PNMA6E: variants seen among roughly 807,000 people sequenced by gnomAD.
The protein encoded by PNMA6E is PNMA family member 6E, also known as paraneoplastic antigen Ma6E.
For missense variants in PNMA6E, 78 were observed against 50.8 expected (o/e 1.53, Z -1.63); for synonymous variants, 43 against 17.1 (o/e 2.52, Z -3.74).
Position 153,398,581 on chromosome X carries a change from T to A in PNMA6E, c.269A>T (p.Lys90Ile). Reference sequence around the variant, plus strand: ...AGGTACTTGGGGCAGGAAGATCACTTTCCAGGGCCCCCCATTGCCTGGTAT... The same window carrying A: ...AGGTACTTGGGGCAGGAAGATCACTATCCAGGGCCCCCCATTGCCTGGTAT... Reference protein sequence around the residue: ...HQIPGNGGPWKVIFLPQVPVI... With the variant: ...HQIPGNGGPWIVIFLPQVPVI... The change falls in exon 2 of 2, where the codon AAA becomes ATA. Residue 90 changes from lysine (K) to isoleucine (I), a missense_variant. Physicochemically the swap from Lys to Ile is moderately radical, Grantham distance 102. Coordinates refer to ENST00000445091, the MANE Select transcript of PNMA6E (RefSeq NM_001367770.1). The A allele has an allele frequency of 2.9e-6, 1 of 344,415 alleles. No individual in the cohort carries two copies. Among genetic ancestry groups the A allele is most frequent in the Non-Finnish European group, 5.0e-6 (1 of 198,766 alleles). The allele number at this position is 344,415 out of a possible 1,213,427, so 28.4% of individuals were successfully genotyped here.
At chrX:153,408,927 T>C in the PNMA6E span, among the ~76,000 whole-genome samples, 14 of 112,534 alleles carry the variant, frequency 1.2e-4, 1 homozygote, top group Middle Eastern at 0.014. Context: ...CAGCCCCCTT[T>C]GGCCTGGCCT....
At position 153,398,360 on chromosome X, in the gene PNMA6E, C is replaced by A. The variant is rs1267681513; in HGVS notation, c.490G>T (p.Gly164Cys). 2.4e-6 allele frequency: 1 copy of A among 413,016 alleles called. No individual in the cohort carries two copies. The highest frequency in any genetic ancestry group is 4.1e-6 in the Non-Finnish European group (1 of 242,607). 34.0% of individuals were successfully genotyped at this position (413,016 alleles called of 1,213,427 possible). A position where few individuals can be genotyped will look rare whatever the true frequency, so the allele number is the denominator to read the frequency against. The change falls in exon 2 of 2, where the codon GGT (glycine) becomes TGT (cysteine). Residue 164 changes from glycine (G) to cysteine (C), a missense_variant. Coordinates refer to ENST00000445091, the MANE Select transcript of PNMA6E (RefSeq NM_001367770.1). ...AGAAGEAGGA[G>C]EAGGVGEAGA... ...GCCTCACCTACACCTCCTGCCTCAC[C>A]TGCGCCTCCTGCCTCACCTGCTGCT...
chrX:153,399,731 C>T (rs180704342), intron 1 of PNMA6E, among the ~76,000 whole-genome samples: 1 of 111,691 alleles, frequency 9.0e-6, no homozygotes, highest in African/African-American at 3.3e-5. Context: ...ACTGATTGTC[C>T]TTTTTATCTC....
chrX:153,405,590 C>G (rs782296480), upstream of PNMA6E, among the ~76,000 whole-genome samples: 86 of 102,162 alleles, frequency 8.4e-4, no homozygotes, highest in Non-Finnish European at 1.4e-3. Flanking sequence ...TCCCCACACA[C>G]ACATAGATCC....
the PNMA6E span, among the ~76,000 whole-genome samples, chrX:153,409,669 C>A: frequency 8.9e-6 from 1 of 112,682 alleles, no homozygotes; most frequent in Admixed American, 9.3e-5. Context: ...ATGGTGCACA[C>A]GGTGACCCCT....
the PNMA6E span, among the ~76,000 whole-genome samples, chrX:153,410,077 G>C: frequency 9.0e-6 from 1 of 111,394 alleles, no homozygotes; most frequent in African/African-American, 3.3e-5. Flanking sequence ...GTCCAGAATC[G>C]GGCGCTTCCT....
At chrX:153,408,112 G>C in the PNMA6E span, among the ~76,000 whole-genome samples, 1 of 112,772 alleles carries the variant, frequency 8.9e-6, no homozygotes, top group Non-Finnish European at 1.9e-5. Flanking sequence ...ATCAGACTGG[G>C]AGAGTCAGTG....
chrX:153,407,208 C>G, the PNMA6E span, among the ~76,000 whole-genome samples: 58 of 112,644 alleles, frequency 5.1e-4, no homozygotes, highest in African/African-American at 1.8e-3. Context: ...GATGGCTAAG[C>G]CTTCTCCTCT....
upstream of PNMA6E, among the ~76,000 whole-genome samples, chrX:153,402,450 C>A (rs891941778): frequency 3.6e-5 from 4 of 111,242 alleles, no homozygotes; most frequent in East Asian, 1.1e-3. Context: ...AATTTAAGAC[C>A]ATTTTCATTA....
Position 153,397,334 on chromosome X carries a change from C to T in PNMA6E, c.1516G>A (p.Ala506Thr). ...AFPARSQQGV[A>T]WAAAPVESED... ...CTCTCCACTGGGGCCGCTGCCCAGGCCACACCCTGCTGGCTCCTCGCTGGG... is the reference window on the plus strand; with the variant it reads ...CTCTCCACTGGGGCCGCTGCCCAGGTCACACCCTGCTGGCTCCTCGCTGGG... Residue 506 changes from alanine (A) to threonine (T), a missense_variant, in exon 2 of 2, where the codon GCC becomes ACC. Transcript: ENST00000445091. 3.4e-6 allele frequency: 1 copy of T among 298,063 alleles called. No individual in the cohort carries two copies. Among genetic ancestry groups the T allele is most frequent in the Admixed American group, 6.0e-5 (1 of 16,602 alleles). The allele number at this position is 298,063 out of a possible 1,213,427, so 24.6% of individuals were successfully genotyped here. A position where few individuals can be genotyped will look rare whatever the true frequency, so the allele number is the denominator to read the frequency against.
In PNMA6E at chrX:153,398,337, C is replaced by G. The variant is rs2088825957; in HGVS notation, c.513G>C (p.Glu171Asp). Reference protein sequence around the residue: ...GGAGEAGGVGEAGAAGEAGGA... With the variant: ...GGAGEAGGVGDAGAAGEAGGA... ...CTCCTGCCTCACCTGCTGCTCCTGC[C>G]TCACCTACACCTCCTGCCTCACCTG... The change falls in exon 2 of 2, where the codon GAG (glutamate) becomes GAC (aspartate). Residue 171 changes from glutamate to aspartate, a missense_variant. By Grantham distance (45) the Glu-to-Asp change is conservative (BLOSUM62 2). Coordinates refer to ENST00000445091, the MANE Select transcript of PNMA6E (RefSeq NM_001367770.1). 1 of 408,291 alleles carries G rather than the reference C, an allele frequency of 2.4e-6. No homozygotes were observed. The highest frequency in any genetic ancestry group is 4.7e-5 in the Admixed American group (1 of 21,104). 33.6% of individuals were successfully genotyped at this position (408,291 alleles called of 1,213,427 possible).
At chrX:153,408,380 C>T in the PNMA6E span, among the ~76,000 whole-genome samples, 2 of 112,588 alleles carry the variant, frequency 1.8e-5, no homozygotes, top group African/African-American at 6.5e-5. Flanking sequence ...CCTCCTGGCA[C>T]CCAGGCCTGA....
chrX:153,412,504 C>T, the PNMA6E span, among the ~76,000 whole-genome samples: 1 of 112,400 alleles, frequency 8.9e-6, no homozygotes, highest in South Asian at 3.7e-4. Flanking sequence ...TGTTAAAAGG[C>T]AGTAAGAGCC....
chrX:153,408,980 A>C, the PNMA6E span, among the ~76,000 whole-genome samples: 2 of 112,354 alleles, frequency 1.8e-5, no homozygotes, highest in African/African-American at 6.5e-5. Flanking sequence ...GCTTGACGTC[A>C]CCCTGGACCT....
intron 1 of PNMA6E, among the ~76,000 whole-genome samples, chrX:153,400,513 G>C (rs1356457290): frequency 1.8e-5 from 2 of 112,207 alleles, no homozygotes; most frequent in Non-Finnish European, 3.8e-5. Flanking sequence ...CACGTGCTTA[G>C]ACATGAGCCT....
chrX:153,411,345 C>T, the PNMA6E span, among the ~76,000 whole-genome samples: 1 of 112,330 alleles, frequency 8.9e-6, no homozygotes, highest in African/African-American at 3.2e-5. Context: ...CCTCGGGGCG[C>T]GTGGGGAGCC....
chrX:153,396,797 G>A lies in PNMA6E; in HGVS notation c.*109C>T. Reference sequence around the variant, plus strand: ...GGCCAGAGCCCCTTGGGGGAGGTGGGGGGCCCTTACTCCTGAATGTGGGGT... The same window carrying A: ...GGCCAGAGCCCCTTGGGGGAGGTGGAGGGCCCTTACTCCTGAATGTGGGGT... On this transcript the variant is annotated 3_prime_UTR_variant, in exon 2 of 2. Coordinates refer to ENST00000445091, the MANE Select transcript of PNMA6E (RefSeq NM_001367770.1). 3.4e-6 allele frequency: 1 copy of A among 296,915 alleles called. No homozygotes were observed. Among genetic ancestry groups the A allele is most frequent in the Non-Finnish European group, 5.9e-6 (1 of 170,024 alleles). The allele number at this position is 296,915 out of a possible 1,213,427, so 24.5% of individuals were successfully genotyped here.
At position 153,397,017 on chromosome X, in the gene PNMA6E, T is replaced by C; in HGVS notation, c.1833A>G (p.Glu611=). ...GCCCCTCCAGTGGGGGTTTCCTGGC[T>C]TCCTGGCCTCTCACCTGGATGAGGC... ...PEGLIQVRGQ[E]ARKPPLEGLQ... Residue 611 remains glutamate (E), a synonymous_variant, in exon 2 of 2, where the codon GAA becomes GAG. Coordinates refer to ENST00000445091, the MANE Select transcript of PNMA6E (RefSeq NM_001367770.1). 1 of 297,871 alleles carries C rather than the reference T, an allele frequency of 3.4e-6. No individual in the cohort carries two copies. Among genetic ancestry groups the C allele is most frequent in the South Asian group, 2.0e-4 (1 of 5,042 alleles). 24.5% of individuals were successfully genotyped at this position (297,871 alleles called of 1,213,427 possible).
intron 1 of PNMA6E, among the ~76,000 whole-genome samples, chrX:153,399,341 TTTTGTTTG>T (rs1208155858): frequency 9.1e-6 from 1 of 110,023 alleles, no homozygotes. Flanking sequence ...GTGTGTTGTT[TTTTGTTTG>T]TTTGTTTGTT....
Sources: allele counts gnomAD v4.1 joint callset (sites outside exome capture counted in the v4.1 genomes callset), GRCh38; gene constraint gnomAD v4.1.1; transcripts MANE v1.5; gene names NCBI Gene and HGNC (gene_info 2026-07-23, HGNC 2026-07-21).